SNX25: variants seen among roughly 807,000 people sequenced by gnomAD.
SNX25 encodes the protein sorting nexin-25.
Under a neutral mutation model 113.7 loss-of-function variants are expected in SNX25, and 62 were observed. That is an observed-to-expected ratio of 0.55 (90% confidence interval 0.44 to 0.67). SNX25 has a LOEUF of 0.67. Ranked by LOEUF, SNX25 falls within the 30% of genes least tolerant of loss-of-function variation. The pLI, the probability that SNX25 is intolerant of heterozygous loss-of-function variation, is 0.00. For synonymous variants in SNX25, 421 were observed against 436.2 expected (o/e 0.97, Z 0.43); for missense variants, 1,014 against 1,161.0 (o/e 0.87, Z 1.84).
chr4:185,279,161 T>G (rs1750194557), intron 5 of SNX25, among the ~76,000 whole-genome samples: 2 of 151,748 alleles, frequency 1.3e-5, no homozygotes, highest in African/African-American at 4.8e-5. Flanking sequence ...ATGTCTATTT[T>G]TATAACTTTA....
At chr4:185,237,343 T>G (rs1742792366) in intron 1 of SNX25, among the ~76,000 whole-genome samples, 1 of 152,184 alleles carries the variant, frequency 6.6e-6, no homozygotes, top group Non-Finnish European at 1.5e-5. Flanking sequence ...ACTTAAATGC[T>G]TTACGTCACA....
rs1750016619 is a variant in SNX25 at position 185,278,098 on chromosome 4, T to G, written c.1092-9914T>G. 2.6e-5 allele frequency among the ~76,000 whole-genome samples: 4 copies of G among 152,240 alleles called. 1 individual carries two copies. The highest frequency in any genetic ancestry group is 9.6e-5 in the African/African-American group (4 of 41,456). On this transcript the variant is annotated intron_variant, in intron 5 of 18. Coordinates refer to ENST00000652585, the MANE Select transcript of SNX25 (RefSeq NM_001378034.2). ...TGTATAATTTAATTTTTAGTAATGATGTGTTTAATTTCTAAATATTTAGCA... is the reference window on the plus strand; with the variant it reads ...TGTATAATTTAATTTTTAGTAATGAGGTGTTTAATTTCTAAATATTTAGCA...
chr4:185,237,117 CTG>C (rs1160052160), intron 1 of SNX25, among the ~76,000 whole-genome samples: 1 of 151,148 alleles, frequency 6.6e-6, no homozygotes, highest in Non-Finnish European at 1.5e-5. Flanking sequence ...CTGCTCCTTC[CTG>C]TATCTAAAGT....
chr4:185,299,763 T>G (rs1753370251), intron 6 of SNX25, among the ~76,000 whole-genome samples: 3 of 152,198 alleles, frequency 2.0e-5, no homozygotes, highest in Non-Finnish European at 4.4e-5. Context: ...TTGATGTGAA[T>G]GAGCCCAGCA....
chr4:185,375,110 A>ATATTTTG (rs1292594285), downstream of SNX25, among the ~76,000 whole-genome samples: 1 of 151,822 alleles, frequency 6.6e-6, no homozygotes, highest in Non-Finnish European at 1.5e-5. Flanking sequence ...ACAATCAAAT[A>ATATTTTG]TATTTTGGTT....
intron 5 of SNX25, among the ~76,000 whole-genome samples, chr4:185,277,359 A>T (rs1749860880): frequency 6.6e-6 from 1 of 152,210 alleles, no homozygotes. Flanking sequence ...AGTGGTGCTA[A>T]GTCCCTACTG....
At chr4:185,245,714 A>G (rs1477759261) in intron 1 of SNX25, among the ~76,000 whole-genome samples, 2 of 152,120 alleles carry the variant, frequency 1.3e-5, no homozygotes, top group East Asian at 1.9e-4. Context: ...AAAATTCTAT[A>G]CCTCCGCCTA....
chr4:185,368,795 G>GT (rs34691416), downstream of SNX25, among the ~76,000 whole-genome samples: 18,394 of 132,950 alleles, frequency 0.14, 1,604 homozygotes, highest in African/African-American at 0.24. Context: ...AATCTGTTTT[G>GT]TTTTTTTTTT....
intron 1 of SNX25, among the ~76,000 whole-genome samples, chr4:185,223,945 G>A (rs2126366086): frequency 6.6e-6 from 1 of 152,322 alleles, no homozygotes; most frequent in African/African-American, 2.4e-5. Context: ...TAAAGGTACA[G>A]TTCGGTAGAA....
At chr4:185,287,200 C>T (rs1751460419) in intron 5 of SNX25, among the ~76,000 whole-genome samples, 1 of 152,200 alleles carries the variant, frequency 6.6e-6, no homozygotes, top group Non-Finnish European at 1.5e-5. Context: ...CAGGGTTGTA[C>T]TCAGCACTTA....
intron 1 of SNX25, among the ~76,000 whole-genome samples, chr4:185,240,536 C>T (rs966526382): frequency 6.7e-6 from 1 of 148,994 alleles, no homozygotes; most frequent in Non-Finnish European, 1.5e-5. Context: ...ACCCCCCCAC[C>T]TCCCTCCTGG....
downstream of SNX25, chr4:185,367,028 C>T (rs1286533954): frequency 2.2e-5 from 15 of 697,374 alleles, no homozygotes; most frequent in Admixed American, 1.6e-4. Flanking sequence ...AACTTAACAG[C>T]GTACGAATTC....
intron 1 of SNX25, among the ~76,000 whole-genome samples, chr4:185,229,483 C>G (rs1332925856): frequency 6.6e-6 from 1 of 152,130 alleles, no homozygotes; most frequent in African/African-American, 2.4e-5. Flanking sequence ...GGAATTGCCC[C>G]CAGAAGTTCT....
intron 1 of SNX25, among the ~76,000 whole-genome samples, chr4:185,245,605 C>G (rs2126479960): frequency 6.6e-6 from 1 of 152,206 alleles, no homozygotes; most frequent in Non-Finnish European, 1.5e-5. Context: ...TCCCAAAGTG[C>G]TAGGATTATA....
At chr4:185,375,581 T>C in the SNX25 span, 1 of 1,217,642 alleles carries the variant, frequency 8.2e-7, no homozygotes, top group South Asian at 1.9e-5. Flanking sequence ...GACAATGAAA[T>C]CTTAACCACT....
chr4:185,266,593 C>T (rs1439145776), intron 4 of SNX25, among the ~76,000 whole-genome samples: 2 of 152,130 alleles, frequency 1.3e-5, no homozygotes, highest in Non-Finnish European at 2.9e-5. Flanking sequence ...AACTCCTGAC[C>T]TCAAGTGATC....
At chr4:185,289,907 A>G (rs1046601056) in intron 6 of SNX25, among the ~76,000 whole-genome samples, 1 of 152,138 alleles carries the variant, frequency 6.6e-6, no homozygotes, top group Admixed American at 6.6e-5. Context: ...ACAGGAATTA[A>G]TTTTCTCACA....
intron 1 of SNX25, among the ~76,000 whole-genome samples, chr4:185,244,603 G>A (rs765183563): frequency 1.7e-4 from 26 of 151,984 alleles, no homozygotes; most frequent in Non-Finnish European, 3.1e-4. Context: ...GAGCTACCCA[G>A]AAACTAGAAA....
At chr4:185,360,950 T>TATATATATATATATATATATAG (rs1048534398) in intron 16 of SNX25, among the ~76,000 whole-genome samples, 1 of 141,758 alleles carries the variant, frequency 7.1e-6, no homozygotes, top group Non-Finnish European at 1.5e-5. Context: ...TATATATATA[T>TATATATATATATATATATATAG]ATAGAATCTG....
Sources: gnomAD v4.1 joint callset for allele counts (sites outside exome capture counted in the v4.1 genomes callset) on GRCh38, gnomAD v4.1.1 for gene constraint, MANE v1.5 for transcripts, NCBI Gene and HGNC (gene_info 2026-07-23, HGNC 2026-07-21) for gene names.